DMD: variants seen among roughly 807,000 people sequenced by gnomAD.
DMD encodes the protein mutant dystrophin.
In DMD, 63 loss-of-function variants were observed where a neutral mutation model predicts 330.1. The ratio of observed to expected loss-of-function variants is 0.19; its 90% CI spans 0.16 to 0.24. DMD has a LOEUF of 0.24. DMD is among the 10% of genes least tolerant of loss of function. The probability of loss-of-function intolerance (pLI) is 1.00; values close to 1 mark genes in which losing one functional copy is unlikely to be tolerated. For synonymous variants in DMD, 1,223 were observed against 959.8 expected (o/e 1.27, Z -5.07); for missense variants, 3,344 against 2,684.1 (o/e 1.25, Z -5.43).
chrX:32,605,150 T>C (rs763137435), intron 12 of DMD, among the ~76,000 whole-genome samples: 1 of 111,334 alleles, frequency 9.0e-6, no homozygotes. Flanking sequence ...CTTCAAATTA[T>C]ACTAAAAGGC....
chrX:32,241,109 G>T (rs184428338), intron 43 of DMD, among the ~76,000 whole-genome samples: 1 of 111,661 alleles, frequency 9.0e-6, no homozygotes, highest in African/African-American at 3.3e-5. Flanking sequence ...TTCCCTTAGC[G>T]TAATCTTTGA....
chrX:31,347,162 T>C (rs201507588), intron 61 of DMD, among the ~76,000 whole-genome samples: 1 of 110,410 alleles, frequency 9.1e-6, no homozygotes, highest in Non-Finnish European at 1.9e-5. Flanking sequence ...GATATTTTAC[T>C]GGCATAGAAT....
intron 2 of DMD, among the ~76,000 whole-genome samples, chrX:33,007,476 T>G (rs768810990): frequency 2.7e-5 from 3 of 111,645 alleles, no homozygotes; most frequent in Non-Finnish European, 3.8e-5. Context: ...ACCTACCCTT[T>G]GAAATATCCC....
At chrX:33,189,637 G>A (rs182688532) in intron 1 of DMD, among the ~76,000 whole-genome samples, 1 of 110,701 alleles carries the variant, frequency 9.0e-6, no homozygotes, top group Non-Finnish European at 1.9e-5. Flanking sequence ...TAGTTTGGGG[G>A]CCCGCACATA....
chrX:31,690,940 G>A (rs1230474329), intron 52 of DMD, among the ~76,000 whole-genome samples: 1 of 110,409 alleles, frequency 9.1e-6, no homozygotes, highest in Admixed American at 9.7e-5. Context: ...GACGCAGGAA[G>A]GGGAACATCA....
chrX:31,741,870 T>C (rs766146402), intron 51 of DMD, among the ~76,000 whole-genome samples: 1 of 111,856 alleles, frequency 8.9e-6, no homozygotes, highest in Non-Finnish European at 1.9e-5. Context: ...TAGAAGGCTG[T>C]TTCGTCTATA....
At chrX:33,068,851 A>G (rs1263543157) in intron 1 of DMD, among the ~76,000 whole-genome samples, 1 of 112,366 alleles carries the variant, frequency 8.9e-6, no homozygotes, top group Non-Finnish European at 1.9e-5. Flanking sequence ...TTGTGAAACA[A>G]TTGGCAAGGT....
chrX:31,480,118 C>T (rs1304504640), intron 57 of DMD, among the ~76,000 whole-genome samples: 1 of 111,916 alleles, frequency 8.9e-6, no homozygotes, highest in African/African-American at 3.2e-5. Flanking sequence ...TAACTTTTTT[C>T]AACTCTGTCT....
At chrX:31,332,945 G>A (rs2057212401) in intron 61 of DMD, among the ~76,000 whole-genome samples, 1 of 112,027 alleles carries the variant, frequency 8.9e-6, no homozygotes, top group Admixed American at 9.5e-5. Context: ...AAGTGACAGA[G>A]ACTTTCCATG....
At chrX:32,064,668 T>C (rs1195503052) in intron 44 of DMD, among the ~76,000 whole-genome samples, 3 of 111,120 alleles carry the variant, frequency 2.7e-5, no homozygotes. Context: ...ATTGTATGTG[T>C]CTGTCTGTAT....
intron 2 of DMD, among the ~76,000 whole-genome samples, chrX:32,972,256 C>T (rs1249708186): frequency 2.7e-5 from 3 of 111,151 alleles, no homozygotes; most frequent in African/African-American, 9.8e-5. Context: ...TGGCTCACTG[C>T]AGCCTTGACC....
intron 61 of DMD, among the ~76,000 whole-genome samples, chrX:31,333,469 T>C (rs1240530824): frequency 9.8e-6 from 1 of 101,967 alleles, no homozygotes; most frequent in African/African-American, 3.6e-5. Flanking sequence ...AGCTTTTGTG[T>C]TGGGTTCCAG....
intron 47 of DMD, among the ~76,000 whole-genome samples, chrX:31,901,939 T>A (rs1603558956): frequency 1.1e-5 from 1 of 89,395 alleles, no homozygotes; most frequent in African/African-American, 3.7e-5. Context: ...ATTCTTATCA[T>A]TTTTTTATGG....
chrX:31,523,395 T>C (rs776749417), intron 55 of DMD, among the ~76,000 whole-genome samples: 3 of 111,162 alleles, frequency 2.7e-5, no homozygotes, highest in Non-Finnish European at 3.8e-5. Context: ...ATCCTTCCAG[T>C]ACCATTTTAA....
At chrX:33,095,733 G>A (rs182897134) in intron 1 of DMD, among the ~76,000 whole-genome samples, 166 of 110,830 alleles carry the variant, frequency 1.5e-3, no homozygotes, top group African/African-American at 5.1e-3. Flanking sequence ...GAGCATGCTT[G>A]GTATGAGTCA....
At chrX:31,948,258 C>A (rs1469629615) in intron 45 of DMD, among the ~76,000 whole-genome samples, 1 of 111,890 alleles carries the variant, frequency 8.9e-6, no homozygotes, top group South Asian at 3.7e-4. Flanking sequence ...TTTTCTTTAT[C>A]CATGCATTCT....
intron 2 of DMD, among the ~76,000 whole-genome samples, chrX:33,012,957 T>C (rs996410368): frequency 9.0e-6 from 1 of 111,104 alleles, no homozygotes; most frequent in African/African-American, 3.3e-5. Context: ...TTGGGGTTAC[T>C]AAACATTCAA....
chrX:31,529,897 T>TAAAAA (rs369803858), intron 55 of DMD, among the ~76,000 whole-genome samples: 1 of 98,618 alleles, frequency 1.0e-5, no homozygotes, highest in Non-Finnish European at 2.1e-5. Flanking sequence ...AAGATTTCTT[T>TAAAAA]AAAAAAAAAA....
chrX:31,769,861 T>C (rs924717187), intron 51 of DMD, among the ~76,000 whole-genome samples: 3 of 112,105 alleles, frequency 2.7e-5, no homozygotes, highest in African/African-American at 9.7e-5. Context: ...CTATTGTCAA[T>C]AGAACCCAGT....
Sources: allele counts gnomAD v4.1 joint callset (sites outside exome capture counted in the v4.1 genomes callset), GRCh38; gene constraint gnomAD v4.1.1; transcripts MANE v1.5; gene names NCBI Gene and HGNC (gene_info 2026-07-23, HGNC 2026-07-21).